The following GUCY1A1 variants were observed in gnomAD, a reference collection of about 807,000 sequenced individuals.
GUCY1A1 encodes the protein guanylate cyclase 1 soluble subunit alpha 1, also known as guanylate cyclase soluble subunit alpha-1.
GUCY1A1 carries 48 observed loss-of-function variants against 64.5 expected under a neutral mutation model. The ratio of observed to expected loss-of-function variants is 0.74; its 90% CI spans 0.59 to 0.95. GUCY1A1 has a LOEUF of 0.95. Among genes scored for constraint, GUCY1A1 ranks in the 40% least tolerant of loss-of-function variants. GUCY1A1 has a pLI of 0.00. For synonymous variants in GUCY1A1, 308 were observed against 303.4 expected, an observed-to-expected ratio of 1.02 and a Z score of -0.16; for missense variants, 804 against 825.3, an observed-to-expected ratio of 0.97 and a Z score of 0.32.
chr4:155,708,134 G>A (rs1732048635), intron 4 of GUCY1A1, 102 bp from the exon 5 acceptor site: 4 of 649,974 alleles, frequency 6.2e-6, no homozygotes, highest in Non-Finnish European at 1.1e-5. Context: ...GCTGTGCCTG[G>A]CCTAATTTAA....
chr4:155,671,994 A>G (rs746702841), intron 2 of GUCY1A1, among the ~76,000 whole-genome samples: 6 of 141,574 alleles, frequency 4.2e-5, no homozygotes, highest in Admixed American at 1.5e-4. Flanking sequence ...TCAACCTGAA[A>G]TCTATTCTAC....
In GUCY1A1 at chr4:155,724,465, T is replaced by C. The variant is rs1195902502; in HGVS notation, c.1871+2273T>C. On this transcript the variant is annotated intron_variant, in intron 9 of 9. Transcript: ENST00000506455. ...CTCTTCAACTCACTCCAGTCAGTGTTTACTCCACTCAAACGGTTCTTATCA... is the reference window on the plus strand; with the variant it reads ...CTCTTCAACTCACTCCAGTCAGTGTCTACTCCACTCAAACGGTTCTTATCA... Among the ~76,000 whole-genome samples, 7 of 152,080 alleles carry C rather than the reference T, an allele frequency of 4.6e-5. No individual in the cohort carries two copies. In the South Asian group the frequency reaches 1.2e-3, roughly 27 times the overall value.
chr4:155,707,547 C>G (rs544776546), intron 4 of GUCY1A1, among the ~76,000 whole-genome samples: 3 of 151,342 alleles, frequency 2.0e-5, no homozygotes, highest in Non-Finnish European at 4.4e-5. Context: ...AATCAAAATT[C>G]AAACTTTGAA....
intron 2 of GUCY1A1, among the ~76,000 whole-genome samples, chr4:155,680,406 T>C (rs919399039): frequency 6.6e-6 from 1 of 152,174 alleles, no homozygotes; most frequent in African/African-American, 2.4e-5. Flanking sequence ...TACTTCTTAG[T>C]TCTAGTTATT....
chr4:155,714,275 G>A (rs1007181937), intron 7 of GUCY1A1, among the ~76,000 whole-genome samples: 2 of 152,166 alleles, frequency 1.3e-5, no homozygotes, highest in African/African-American at 4.8e-5. Context: ...CACTCACAGA[G>A]TTTATATGCA....
rs1729705202 is a variant in GUCY1A1, at chr4:155,691,314, C to T, written c.-112-5442C>T. Among the ~76,000 whole-genome samples, 4 of 152,184 alleles carry T rather than the reference C, an allele frequency of 2.6e-5. No homozygotes were observed. The South Asian group carries it at 6.2e-4, about 24-fold the overall frequency. On this transcript the variant is annotated intron_variant, in intron 2 of 9. Transcript: ENST00000506455. ...TGTGGCAGAGAGAATTGGACATGCT[C>T]ACCAATTTTTCTACTACTTTGTCCT... is the stretch of plus-strand genomic sequence containing the variant.
At chr4:155,667,243 C>A (rs750066418) in intron 1 of GUCY1A1, 103 bp from the exon 2 acceptor site, 1 of 152,118 alleles carries the variant, frequency 6.6e-6, no homozygotes, top group African/African-American at 2.4e-5. Context: ...GCCGCGAGTG[C>A]CCAGGGTGCA....
chr4:155,694,935 A>G (rs1314271805), intron 2 of GUCY1A1, among the ~76,000 whole-genome samples: 1 of 152,236 alleles, frequency 6.6e-6, no homozygotes, highest in Non-Finnish European at 1.5e-5. Context: ...GTAGAACCTA[A>G]GTAATCATTC....
intron 2 of GUCY1A1, among the ~76,000 whole-genome samples, chr4:155,677,156 T>C (rs1560911595): frequency 6.6e-6 from 1 of 152,184 alleles, no homozygotes; most frequent in Non-Finnish European, 1.5e-5. Context: ...ATAAATATTT[T>C]TGGCATATGT....
At position 155,711,005 on chromosome 4, in the gene GUCY1A1, G is replaced by C. The variant is rs781161276; in HGVS notation, c.840G>C (p.Ser280=). Residue 280 remains serine, a synonymous_variant, in exon 6 of 10, where the codon TCG becomes TCC. Coordinates refer to ENST00000506455, the MANE Select transcript of GUCY1A1 (RefSeq NM_001130682.3). ...KPQSSLVIPT[S]LFCKTFPFHF... ...AGTCCTCGCTGGTGATTCCCACATC[G>C]CTATTCTGCAAGACATTTCCATTCC... 3.7e-6 allele frequency: 6 copies of C among 1,613,830 alleles called. No homozygotes were observed. The highest frequency in any genetic ancestry group is 1.3e-5 in the African/African-American group (1 of 75,044).
chr4:155,712,044 T>C lies in GUCY1A1; in HGVS notation c.1086+793T>C, dbSNP rs528888242. 2.0e-5 allele frequency among the ~76,000 whole-genome samples: 3 copies of C among 152,312 alleles called. No individual in the cohort carries two copies. The South Asian group carries it at 6.2e-4, about 32-fold the overall frequency. ...CAACTGCTTTTATCATGAAACAGTG[T>C]ATTTTGTGCATCCTCCCATGTCATT... On this transcript the variant is annotated intron_variant, in intron 6 of 9. Coordinates refer to ENST00000506455, the MANE Select transcript of GUCY1A1 (RefSeq NM_001130682.3).
Position 155,730,360 on chromosome 4 carries a change from C to T in GUCY1A1, c.*129C>T. 1.8e-6 allele frequency: 1 copy of T among 558,656 alleles called. No homozygotes were observed. Among genetic ancestry groups the T allele is most frequent in the Non-Finnish European group, 3.2e-6 (1 of 317,242 alleles). 34.6% of individuals were successfully genotyped at this position (558,656 alleles called of 1,614,324 possible). ...AAAATTTCAGGAGCCAAGTCACAAT[C>T]TTTCTCCTGTTTAACATGACAAAAT... is the stretch of plus-strand genomic sequence containing the variant. On this transcript the variant is annotated 3_prime_UTR_variant, in exon 10 of 10. Coordinates refer to ENST00000506455, the MANE Select transcript of GUCY1A1 (RefSeq NM_001130682.3).
chr4:155,717,193 G>A lies in GUCY1A1; in HGVS notation c.1607G>A (p.Gly536Glu), dbSNP rs746691792. ...ATTGGCGATGCCTATTGTGTAGCTG[G>A]GGGATTACACAAAGAGAGTGATACT... is the stretch of plus-strand genomic sequence containing the variant. Reference protein sequence around the residue: ...ETIGDAYCVAGGLHKESDTHA... With the variant: ...ETIGDAYCVAEGLHKESDTHA... The change falls in exon 8 of 10, where the codon GGG (glycine) becomes GAG (glutamate). Residue 536 changes from glycine (G) to glutamate (E), a missense_variant. Physicochemically the swap from Gly to Glu is moderately conservative, Grantham distance 98. Coordinates refer to ENST00000506455, the MANE Select transcript of GUCY1A1 (RefSeq NM_001130682.3). The A allele has an allele frequency of 2.6e-6, 4 of 1,549,066 alleles. No homozygotes were observed. Among genetic ancestry groups the A allele is most frequent in the Non-Finnish European group, 3.5e-6 (4 of 1,139,940 alleles).
At chr4:155,711,895 T>C (rs140875474) in intron 6 of GUCY1A1, among the ~76,000 whole-genome samples, 16 of 152,266 alleles carry the variant, frequency 1.1e-4, no homozygotes, top group African/African-American at 3.9e-4. Context: ...TTTTCTATCA[T>C]AAAAATAATA....
Position 155,736,571 on chromosome 4 carries a change from A to G in GUCY1A1, c.*6340A>G. ...TAAATAATGTTCAAAATGAGAAGAC[A>G]ATAACTGACAAGTCTGTGATTTTTG... On this transcript the variant is annotated 3_prime_UTR_variant, in exon 10 of 10. Coordinates refer to ENST00000506455, the MANE Select transcript of GUCY1A1 (RefSeq NM_001130682.3). The G allele has an allele frequency of 6.6e-6, 1 of 152,008 alleles. No individual in the cohort carries two copies. The highest frequency in any genetic ancestry group is 1.9e-4 in the East Asian group (1 of 5,166). 9.4% of individuals were successfully genotyped at this position (152,008 alleles called of 1,614,324 possible).
At chr4:155,689,800 G>T (rs971809274) in intron 2 of GUCY1A1, among the ~76,000 whole-genome samples, 1 of 152,176 alleles carries the variant, frequency 6.6e-6, no homozygotes, top group Non-Finnish European at 1.5e-5. Context: ...TCGGGGGGCA[G>T]GGGCACTCCA....
At chr4:155,722,545 A>T (rs1734106428) in intron 9 of GUCY1A1, 1 of 593,620 alleles carries the variant, frequency 1.7e-6, no homozygotes, top group African/African-American at 2.0e-5. Flanking sequence ...ACCCAGACTC[A>T]GCACAGTCAT....
At chr4:155,716,594 A>G (rs1311931727) in intron 7 of GUCY1A1, among the ~76,000 whole-genome samples, 2 of 152,066 alleles carry the variant, frequency 1.3e-5, no homozygotes, top group African/African-American at 2.4e-5. Flanking sequence ...TATAATTGTG[A>G]TTAGTATCCA....
At chr4:155,688,416 A>G (rs900632576) in intron 2 of GUCY1A1, among the ~76,000 whole-genome samples, 1 of 152,192 alleles carries the variant, frequency 6.6e-6, no homozygotes, top group African/African-American at 2.4e-5. Context: ...TTATGATGTC[A>G]TGTAATCATC....
Sources: allele counts gnomAD v4.1 joint callset (sites outside exome capture counted in the v4.1 genomes callset), GRCh38; gene constraint gnomAD v4.1.1; transcripts MANE v1.5; gene names NCBI Gene and HGNC (gene_info 2026-07-23, HGNC 2026-07-21).